TMEM135: variants seen among roughly 807,000 people sequenced by gnomAD.
The protein encoded by TMEM135 is peroxisomal membrane protein 52.
In TMEM135, 30 loss-of-function variants were observed where a neutral mutation model predicts 60.3. The observed-to-expected ratio is 0.50, with a 90% confidence interval of 0.37 to 0.68. TMEM135 has a LOEUF of 0.68. Ranked by LOEUF, TMEM135 falls within the 30% of genes least tolerant of loss-of-function variation. TMEM135 has a pLI of 0.00. For missense variants in TMEM135, 468 were observed against 548.8 expected, an observed-to-expected ratio of 0.85 and a Z score of 1.47; for synonymous variants, 190 against 186.7, an observed-to-expected ratio of 1.02 and a Z score of -0.14.
chr11:87,239,954 T>C (rs1941093578), intron 6 of TMEM135, among the ~76,000 whole-genome samples: 1 of 152,144 alleles, frequency 6.6e-6, no homozygotes, highest in African/African-American at 2.4e-5. Context: ...ATTTTACATA[T>C]ATTATCTCAT....
chr11:87,105,379 GGTT>G (rs1344094366), intron 4 of TMEM135, among the ~76,000 whole-genome samples: 1 of 152,132 alleles, frequency 6.6e-6, no homozygotes, highest in Non-Finnish European at 1.5e-5. Flanking sequence ...GAGGGATCTA[GGTT>G]GCATGCTTCT....
At chr11:87,196,533 G>T (rs1256072121) in intron 5 of TMEM135, among the ~76,000 whole-genome samples, 3 of 152,148 alleles carry the variant, frequency 2.0e-5, no homozygotes, top group Non-Finnish European at 2.9e-5. Flanking sequence ...ATCAGGCTTA[G>T]ATGCCTGGCA....
chr11:87,299,264 C>T (rs552034809), intron 7 of TMEM135, among the ~76,000 whole-genome samples: 6 of 152,236 alleles, frequency 3.9e-5, no homozygotes, highest in Non-Finnish European at 8.8e-5. Flanking sequence ...GCTAGGGAGG[C>T]CTCAGGAAAC....
Position 87,186,165 on chromosome 11 carries a change from A to G in TMEM135, c.462+28759A>G, listed in dbSNP as rs137900369. Among the ~76,000 whole-genome samples, 167 of 152,278 alleles carry G rather than the reference A, an allele frequency of 1.1e-3. 3 individuals are homozygous for G. In the East Asian group the frequency reaches 0.029, roughly 26 times the overall value. On this transcript the variant is annotated intron_variant, in intron 5 of 14. Transcript: ENST00000305494. Reference sequence around the variant, plus strand: ...CATGATCTGCCCGCCTTGGCCTCCCAAAGTGCTGGGATTAAAGGCATGAGC... The same window carrying G: ...CATGATCTGCCCGCCTTGGCCTCCCGAAGTGCTGGGATTAAAGGCATGAGC...
chr11:87,221,458 G>C (rs1940615263), intron 5 of TMEM135, among the ~76,000 whole-genome samples: 1 of 152,112 alleles, frequency 6.6e-6, no homozygotes. Context: ...TGTTATTTTA[G>C]GGGTTAAAGT....
chr11:87,247,401 T>C (rs946250287), intron 6 of TMEM135, among the ~76,000 whole-genome samples: 1 of 152,202 alleles, frequency 6.6e-6, no homozygotes, highest in Non-Finnish European at 1.5e-5. Flanking sequence ...GACAGGGATA[T>C]TTAAGTCTGC....
chr11:87,173,978 G>C (rs754827084), intron 5 of TMEM135, among the ~76,000 whole-genome samples: 1 of 152,066 alleles, frequency 6.6e-6, no homozygotes, highest in Non-Finnish European at 1.5e-5. Flanking sequence ...TCATGTTTTT[G>C]TTTCTTTGCA....
chr11:87,038,099 T>C lies in TMEM135; in HGVS notation c.54T>C (p.Thr18=). 1 of 1,614,106 alleles carries C rather than the reference T, an allele frequency of 6.2e-7. No individual in the cohort carries two copies. The highest frequency in any genetic ancestry group is 1.1e-5 in the South Asian group (1 of 91,084). The stretch of plus-strand genomic sequence containing the variant: ...ATAACTGCTATGAGATCGGCCACAC[T>C]TGGCACCCTTCCTGCCGGGTCTCCT... ...IPHNCYEIGH[T]WHPSCRVSFL... is the part of the protein sequence containing the mutation. The change falls in exon 1 of 15, where the codon ACT becomes ACC. Residue 18 remains threonine (T), a synonymous_variant. Coordinates refer to ENST00000305494, the MANE Select transcript of TMEM135 (RefSeq NM_022918.4).
At chr11:87,111,128 A>G (rs1274153457) in intron 4 of TMEM135, among the ~76,000 whole-genome samples, 5 of 152,244 alleles carry the variant, frequency 3.3e-5, no homozygotes, top group Non-Finnish European at 7.3e-5. Flanking sequence ...AGGACTCCTT[A>G]GCAAAGAAGG....
chr11:87,327,074 AT>A lies in TMEM135; in HGVS notation c.*5742del. On this transcript the variant is annotated 3_prime_UTR_variant, in exon 15 of 15. Transcript: ENST00000305494. ...GTTACATGCCTAGCCCCAGGGATGA[AT>A]CATAATTGTTCTAGGCCTTTCATGT... 1 of 454,054 alleles carries A rather than the reference AT, an allele frequency of 2.2e-6. No homozygotes were observed. The highest frequency in any genetic ancestry group is 4.4e-6 in the Non-Finnish European group (1 of 226,790). 28.1% of individuals were successfully genotyped at this position (454,054 alleles called of 1,614,324 possible).
intron 4 of TMEM135, among the ~76,000 whole-genome samples, chr11:87,144,497 A>G (rs1938352565): frequency 6.6e-6 from 1 of 152,254 alleles, no homozygotes; most frequent in Non-Finnish European, 1.5e-5. Flanking sequence ...TTTTGCCTGC[A>G]GGCGTTGCTT....
chr11:87,224,220 G>A (rs1284444440), intron 5 of TMEM135, among the ~76,000 whole-genome samples: 1 of 152,198 alleles, frequency 6.6e-6, no homozygotes, highest in African/African-American at 2.4e-5. Flanking sequence ...CTTGAATTAT[G>A]TATTGGGATT....
intron 5 of TMEM135, among the ~76,000 whole-genome samples, chr11:87,195,327 T>A (rs1205490926): frequency 3.0e-5 from 1 of 33,220 alleles, no homozygotes; most frequent in East Asian, 5.6e-4. Context: ...CCTTCCTTCC[T>A]TCCTTCCTTC....
At chr11:87,248,794 A>G (rs1941351621) in intron 6 of TMEM135, among the ~76,000 whole-genome samples, 2 of 152,098 alleles carry the variant, frequency 1.3e-5, no homozygotes, top group East Asian at 3.9e-4. Flanking sequence ...TTCTTGCATC[A>G]GTGTTTTATA....
intron 4 of TMEM135, among the ~76,000 whole-genome samples, chr11:87,121,870 C>T (rs575880759): frequency 1.3e-5 from 2 of 152,040 alleles, no homozygotes; most frequent in African/African-American, 2.4e-5. Context: ...GAACTCCTGA[C>T]CTCAGGTGAT....
At chr11:87,071,435 G>C in intron 2 of TMEM135, 88 bp from the exon 3 acceptor site, 1 of 950,948 alleles carries the variant, frequency 1.1e-6, no homozygotes, top group Non-Finnish European at 1.7e-6. Context: ...TTTAAATAGA[G>C]TATGGATGGA....
At position 87,106,165 on chromosome 11, in the gene TMEM135, G is replaced by T. The variant is rs374445049; in HGVS notation, c.396+14770G>T. Among the ~76,000 whole-genome samples the T allele has an allele frequency of 3.3e-5, 5 of 151,900 alleles. No homozygotes were observed. In the South Asian group the frequency reaches 8.3e-4, roughly 25 times the overall value. On this transcript the variant is annotated intron_variant, in intron 4 of 14. Transcript: ENST00000305494. ...GTTGCTCAGGCTGGAGTGCAGTGGG[G>T]TGATCTCGGCTCACTGCAACCTCCA... is the stretch of plus-strand genomic sequence containing the variant.
At chr11:87,262,561 G>A (rs1384563359) in intron 6 of TMEM135, among the ~76,000 whole-genome samples, 1 of 152,050 alleles carries the variant, frequency 6.6e-6, no homozygotes, top group African/African-American at 2.4e-5. Context: ...CTGATTTGTA[G>A]GAGCTCTTTA....
chr11:87,149,136 A>T (rs502144), intron 4 of TMEM135, among the ~76,000 whole-genome samples: 36,182 of 151,792 alleles, frequency 0.24, 5,095 homozygotes, highest in East Asian at 0.61. Context: ...TTTAGCTCTT[A>T]TGTATAAATT....
Sources: gnomAD v4.1 joint callset for allele counts (sites outside exome capture counted in the v4.1 genomes callset) on GRCh38, gnomAD v4.1.1 for gene constraint, MANE v1.5 for transcripts, NCBI Gene and HGNC (gene_info 2026-07-23, HGNC 2026-07-21) for gene names.